Variants in HOXB3 observed in about 807,000 individuals in gnomAD.
HOXB3 encodes homeobox protein Hox-B3.
HOXB3 carries 17 observed loss-of-function variants against 29.2 expected under a neutral mutation model. The observed-to-expected ratio is 0.58, with a 90% confidence interval of 0.40 to 0.87. The LOEUF (loss-of-function observed/expected upper bound fraction) is 0.87. Among genes scored for constraint, HOXB3 ranks in the 40% least tolerant of loss-of-function variants. The pLI is 0.00. For synonymous variants in HOXB3, 317 were observed against 285.9 expected, an observed-to-expected ratio of 1.11 and a Z score of -1.10; for missense variants, 637 against 616.3, an observed-to-expected ratio of 1.03 and a Z score of -0.35.
intron 1 of HOXB3, among the ~76,000 whole-genome samples, chr17:48,586,397 C>T (rs1279698833): frequency 6.6e-6 from 1 of 152,152 alleles, no homozygotes; most frequent in Non-Finnish European, 1.5e-5. Flanking sequence ...ACGAAAGATC[C>T]GCCTAAACCT....
In HOXB3 at chr17:48,550,261, TC is replaced by T. The variant is rs1052416048; in HGVS notation, c.*72del. 76 of 1,595,116 alleles carry T rather than the reference TC, an allele frequency of 4.8e-5. No homozygotes were observed. The highest frequency in any genetic ancestry group is 4.0e-5 in the Non-Finnish European group (47 of 1,171,356). ...CTTCTCTGGCTCCTCTTTTCAGACC[TC>T]CAGGTTGCCCCCCAGAGCTCCACAG... On this transcript the variant is annotated 3_prime_UTR_variant, in exon 5 of 5. Transcript: ENST00000498678.
At chr17:48,562,397 C>T (rs1460806385) in intron 2 of HOXB3, among the ~76,000 whole-genome samples, 1 of 152,058 alleles carries the variant, frequency 6.6e-6, no homozygotes, top group African/African-American at 2.4e-5. Flanking sequence ...TCCCTCATGA[C>T]AAAGTTCCAC....
chr17:48,558,630 A>T (rs2069085530), intron 2 of HOXB3, among the ~76,000 whole-genome samples: 1 of 152,010 alleles, frequency 6.6e-6, no homozygotes, highest in African/African-American at 2.4e-5. Flanking sequence ...TGGAACAGGC[A>T]CCCCTAAGGG....
chr17:48,570,698 A>G (rs2069558951), intron 2 of HOXB3, among the ~76,000 whole-genome samples: 1 of 152,194 alleles, frequency 6.6e-6, no homozygotes, highest in Non-Finnish European at 1.5e-5. Context: ...TGCCCCAGCT[A>G]AGAGCACTGG....
chr17:48,555,645 C>A (rs1307161957), intron 2 of HOXB3, 27 bp from the exon 3 acceptor site: 1 of 701,764 alleles, frequency 1.4e-6, no homozygotes, highest in African/African-American at 1.7e-5. Flanking sequence ...AAAAAGACCA[C>A]TGTTTAAAGC....
intron 2 of HOXB3, among the ~76,000 whole-genome samples, chr17:48,569,069 T>C (rs925457326): frequency 1.3e-5 from 2 of 150,910 alleles, no homozygotes; most frequent in African/African-American, 4.9e-5. Flanking sequence ...CTCCCCCCTC[T>C]CTTTTTTTTT....
At chr17:48,576,671 A>AC in intron 1 of HOXB3, 1 of 237,220 alleles carries the variant, frequency 4.2e-6, no homozygotes, top group Non-Finnish European at 6.6e-6. Context: ...CATCCCCTGC[A>AC]CTCACTGCCC....
At chr17:48,569,560 G>A (rs1208056000) in intron 2 of HOXB3, among the ~76,000 whole-genome samples, 1 of 152,104 alleles carries the variant, frequency 6.6e-6, no homozygotes, top group Non-Finnish European at 1.5e-5. Flanking sequence ...TCAGCTTCCA[G>A]TTCTTCTCTC....
chr17:48,584,202 T>A (rs1304805018), intron 1 of HOXB3, among the ~76,000 whole-genome samples: 1 of 152,256 alleles, frequency 6.6e-6, no homozygotes, highest in African/African-American at 2.4e-5. Flanking sequence ...GGCCATTTGG[T>A]ATTTTTCCTT....
At position 48,552,331 on chromosome 17, in the gene HOXB3, C is replaced by T. The variant is rs1232928322; in HGVS notation, c.144G>A (p.Gln48=). ...QAATHLEGDY[Q]RSACSLQSLG... Reference sequence around the variant, plus strand: ...GGGACTGCAGCGAGCAAGCTGAGCGCTGGTAGTCGCCCTCCAGGTGCGTGG... The same window carrying T: ...GGGACTGCAGCGAGCAAGCTGAGCGTTGGTAGTCGCCCTCCAGGTGCGTGG... The change falls in exon 4 of 5, where the codon CAG becomes CAA. Residue 48 remains glutamine, a synonymous_variant. Coordinates refer to ENST00000498678, the MANE Select transcript of HOXB3 (RefSeq NM_001384749.1). The T allele has an allele frequency of 1.2e-6, 2 of 1,614,034 alleles. No individual in the cohort carries two copies. The highest frequency in any genetic ancestry group is 1.1e-5 in the South Asian group (1 of 91,072).
chr17:48,549,290 A>T lies in HOXB3; in HGVS notation c.*1044T>A, dbSNP rs1019439747. 4.6e-5 allele frequency: 7 copies of T among 152,628 alleles called. No homozygotes were observed. The highest frequency in any genetic ancestry group is 1.7e-4 in the African/African-American group (7 of 41,468). 9.5% of individuals were successfully genotyped at this position (152,628 alleles called of 1,614,324 possible). A position where few individuals can be genotyped will look rare whatever the true frequency, so the allele number is the denominator to read the frequency against. ...CCAATAAATATATATGAAAATGTTCACTAGAACACACGCTTTTTTGAGCAA... is the reference window on the plus strand; with the variant it reads ...CCAATAAATATATATGAAAATGTTCTCTAGAACACACGCTTTTTTGAGCAA... On this transcript the variant is annotated 3_prime_UTR_variant, in exon 5 of 5. Coordinates refer to ENST00000498678, the MANE Select transcript of HOXB3 (RefSeq NM_001384749.1).
rs1291361115 is a variant in HOXB3 at position 48,554,783 on chromosome 17, T to C, written c.-159+748A>G. The C allele has an allele frequency of 1.4e-6, 1 of 701,926 alleles. No homozygotes were observed. The highest frequency in any genetic ancestry group is 2.6e-6 in the Non-Finnish European group (1 of 384,694). The allele number at this position is 701,926 out of a possible 1,614,324, so 43.5% of individuals were successfully genotyped here. A position where few individuals can be genotyped will look rare whatever the true frequency, so the allele number is the denominator to read the frequency against. The stretch of plus-strand genomic sequence containing the variant: ...GAGGTAACCGAATTAAAAGGCGCCT[T>C]AGAAACTCCGCTTCGGGACTTTGCT... On this transcript the variant is annotated intron_variant, in intron 3 of 4. Transcript: ENST00000498678. The surrounding 1 kb of genome is among the most constrained non-coding windows in gnomAD (Gnocchi z 4.1).
intron 1 of HOXB3, among the ~76,000 whole-genome samples, chr17:48,584,614 G>A (rs2070011820): frequency 6.6e-6 from 1 of 152,192 alleles, no homozygotes; most frequent in African/African-American, 2.4e-5. Flanking sequence ...TTTCTAAAAT[G>A]TGTGTGGCTA....
Position 48,550,760 on chromosome 17 carries a change from G to C in HOXB3, c.870C>G (p.Ser290=), listed in dbSNP as rs1361382196. The C allele has an allele frequency of 1.9e-6, 3 of 1,598,820 alleles. No homozygotes were observed. Among genetic ancestry groups the C allele is most frequent in the Non-Finnish European group, 2.6e-6 (3 of 1,170,072 alleles). The change falls in exon 5 of 5, where the codon TCC becomes TCG. Residue 290 remains serine, a synonymous_variant. Coordinates refer to ENST00000498678, the MANE Select transcript of HOXB3 (RefSeq NM_001384749.1). ...HSMTPSYESP[S]PPAFGKAHQN... is the part of the protein sequence containing the mutation. ...GGTGGGCTTTACCGAAGGCGGGTGGGGACGGGCTCTCGTAGCTGGGGGTCA... is the reference window on the plus strand; with the variant it reads ...GGTGGGCTTTACCGAAGGCGGGTGGCGACGGGCTCTCGTAGCTGGGGGTCA...
chr17:48,560,681 G>A (rs756533810), intron 2 of HOXB3, among the ~76,000 whole-genome samples: 3 of 152,186 alleles, frequency 2.0e-5, no homozygotes, highest in Non-Finnish European at 4.4e-5. Context: ...TGGAACTGGG[G>A]GAGGAGCTGG....
chr17:48,589,322 G>A (rs1207802664), intron 1 of HOXB3, among the ~76,000 whole-genome samples: 1 of 152,216 alleles, frequency 6.6e-6, no homozygotes, highest in African/African-American at 2.4e-5. Context: ...GCTTGCCAGA[G>A]TTCTACTTAA....
chr17:48,564,136 TG>T (rs1239946793), intron 2 of HOXB3, among the ~76,000 whole-genome samples: 1 of 149,424 alleles, frequency 6.7e-6, no homozygotes, highest in Admixed American at 6.7e-5. Flanking sequence ...GAGAGAGGCC[TG>T]GGGGCGGGGG....
intron 1 of HOXB3, chr17:48,576,872 G>T (rs761031489): frequency 1.2e-6 from 2 of 1,614,098 alleles, no homozygotes; most frequent in Non-Finnish European, 1.7e-6. Flanking sequence ...TCTGGCGCTC[G>T]GAGAGGCAGA....
At chr17:48,587,055 G>C (rs2070061201) in intron 1 of HOXB3, among the ~76,000 whole-genome samples, 2 of 152,130 alleles carry the variant, frequency 1.3e-5, no homozygotes, top group East Asian at 3.9e-4. Context: ...CATGAGACTT[G>C]TGTGTGGAGT....
Sources: allele counts gnomAD v4.1 joint callset (sites outside exome capture counted in the v4.1 genomes callset), GRCh38; gene constraint gnomAD v4.1.1; non-coding constraint Gnocchi (gnomAD v3.1); transcripts MANE v1.5; gene names NCBI Gene and HGNC (gene_info 2026-07-23, HGNC 2026-07-21).